The following GNG12 variants were observed in gnomAD, a reference collection of about 807,000 sequenced individuals.
GNG12 encodes G protein subunit gamma 12.
For missense variants in GNG12, 69 were observed against 83.8 expected (o/e 0.82, Z 0.69); for synonymous variants, 28 against 29.7 (o/e 0.94, Z 0.19).
At chr1:67,821,584 T>G (rs531048820) in intron 1 of GNG12, among the ~76,000 whole-genome samples, 1 of 152,314 alleles carries the variant, frequency 6.6e-6, no homozygotes, top group South Asian at 2.1e-4. Flanking sequence ...GCCAACACCT[T>G]GATTGTGGCC....
intron 2 of GNG12, among the ~76,000 whole-genome samples, chr1:67,773,772 C>T (rs112742443): frequency 1.3e-5 from 2 of 152,192 alleles, no homozygotes; most frequent in Non-Finnish European, 2.9e-5. Context: ...AAGTAGATTT[C>T]AACTCGCGTG....
chr1:67,790,316 A>G (rs958382881), intron 1 of GNG12, among the ~76,000 whole-genome samples: 3 of 152,174 alleles, frequency 2.0e-5, no homozygotes, highest in Admixed American at 6.5e-5. Flanking sequence ...ACATTTTTAC[A>G]TACATTCTGA....
chr1:67,806,160 G>A (rs1481899607), intron 1 of GNG12, among the ~76,000 whole-genome samples: 1 of 152,066 alleles, frequency 6.6e-6, no homozygotes, highest in Non-Finnish European at 1.5e-5. Context: ...TTCAGAGTGA[G>A]GGAAAATGAT....
chr1:67,710,846 G>C (rs1237104223), intron 2 of GNG12, among the ~76,000 whole-genome samples: 2 of 152,056 alleles, frequency 1.3e-5, no homozygotes, highest in Non-Finnish European at 2.9e-5. Flanking sequence ...TCCCAGGCTC[G>C]ACAAAGTCCA....
At chr1:67,824,288 T>C (rs906408568) in intron 1 of GNG12, among the ~76,000 whole-genome samples, 13 of 152,072 alleles carry the variant, frequency 8.5e-5, no homozygotes, top group African/African-American at 2.9e-4. Context: ...GGCTGGCAGA[T>C]TGCTTGAGTC....
chr1:67,823,390 C>A (rs76853064), intron 1 of GNG12, among the ~76,000 whole-genome samples: 7 of 152,050 alleles, frequency 4.6e-5, no homozygotes, highest in Non-Finnish European at 1.0e-4. Context: ...GGCATAAAAC[C>A]CTACTTTCCA....
At chr1:67,815,832 A>C (rs1266036952) in intron 1 of GNG12, among the ~76,000 whole-genome samples, 1 of 152,114 alleles carries the variant, frequency 6.6e-6, no homozygotes, top group East Asian at 1.9e-4. Flanking sequence ...CTCAGCGGCC[A>C]AATCCCGAGT....
intron 1 of GNG12, among the ~76,000 whole-genome samples, chr1:67,811,752 A>G (rs1017360887): frequency 6.6e-6 from 1 of 152,152 alleles, no homozygotes; most frequent in Non-Finnish European, 1.5e-5. Context: ...TTATGTTTCA[A>G]TCAAAGTTTG....
intron 2 of GNG12, among the ~76,000 whole-genome samples, chr1:67,757,211 T>C (rs1372472085): frequency 6.6e-6 from 1 of 152,194 alleles, no homozygotes; most frequent in Admixed American, 6.5e-5. Context: ...CTTTAAATAT[T>C]GTGTATGATA....
At chr1:67,718,252 G>A (rs1031833112) in intron 2 of GNG12, among the ~76,000 whole-genome samples, 5 of 151,982 alleles carry the variant, frequency 3.3e-5, no homozygotes, top group African/African-American at 7.3e-5. Flanking sequence ...CACTGTCCTG[G>A]TCACAGAGGC....
At position 67,702,752 on chromosome 1, in the gene GNG12, T is replaced by G. The variant is rs111795245; in HGVS notation, c.*2699A>C. The G allele has an allele frequency of 6.6e-6, 1 of 152,118 alleles. No individual in the cohort carries two copies. Among genetic ancestry groups the G allele is most frequent in the Non-Finnish European group, 1.5e-5 (1 of 68,024 alleles). The allele number at this position is 152,118 out of a possible 1,614,324, so 9.4% of individuals were successfully genotyped here. On this transcript the variant is annotated 3_prime_UTR_variant, in exon 4 of 4. Transcript: ENST00000370982. ...CTGAGGCCTCAACTGGACAGATTTA[T>G]GATGAACTAATGAAGATATAAGAAT...
intron 2 of GNG12, among the ~76,000 whole-genome samples, chr1:67,770,832 C>T (rs1379789893): frequency 6.6e-6 from 1 of 152,196 alleles, no homozygotes; most frequent in Non-Finnish European, 1.5e-5. Flanking sequence ...GAGACCTGAG[C>T]AGTGGGCAGC....
At chr1:67,770,331 CA>C (rs1646666671) in intron 2 of GNG12, among the ~76,000 whole-genome samples, 1 of 152,132 alleles carries the variant, frequency 6.6e-6, no homozygotes, top group Non-Finnish European at 1.5e-5. Context: ...AAAAGGGTTT[CA>C]AAAGCTGTAT....
intron 2 of GNG12, among the ~76,000 whole-genome samples, chr1:67,731,647 G>T (rs1646420918): frequency 6.6e-6 from 1 of 152,202 alleles, no homozygotes; most frequent in African/African-American, 2.4e-5. Flanking sequence ...GTGTAGACTG[G>T]AATCAGAAGG....
At chr1:67,789,367 C>A (rs1320057219) in intron 1 of GNG12, among the ~76,000 whole-genome samples, 1 of 152,146 alleles carries the variant, frequency 6.6e-6, no homozygotes, top group African/African-American at 2.4e-5. Flanking sequence ...AAAGATATTT[C>A]TAACATCTAA....
intron 2 of GNG12, among the ~76,000 whole-genome samples, chr1:67,715,594 C>A (rs1020761906): frequency 6.6e-6 from 1 of 152,166 alleles, no homozygotes; most frequent in Non-Finnish European, 1.5e-5. Context: ...TGAGAAGCTG[C>A]ATGGCTGCAG....
chr1:67,821,833 C>T (rs763322708), intron 1 of GNG12, among the ~76,000 whole-genome samples: 15 of 151,568 alleles, frequency 9.9e-5, no homozygotes, highest in Non-Finnish European at 1.9e-4. Flanking sequence ...CATAGAATAC[C>T]GGCACATCTA....
At chr1:67,824,461 G>A (rs1360064174) in intron 1 of GNG12, among the ~76,000 whole-genome samples, 1 of 134,288 alleles carries the variant, frequency 7.4e-6, no homozygotes, top group Non-Finnish European at 1.5e-5. Flanking sequence ...AGTGAGCCAT[G>A]ATTGTGCCAC....
At position 67,778,738 on chromosome 1, in the gene GNG12, G is replaced by A. The variant is rs114510471; in HGVS notation, c.-76-1231C>T. On this transcript the variant is annotated intron_variant, in intron 1 of 3. Transcript: ENST00000370982. ...CAGGGATGGGATTCAAATCTAAGTC[G>A]TTTGCCTCCAGAGTCCATGCTTTTA... is the stretch of plus-strand genomic sequence containing the variant. Among the ~76,000 whole-genome samples, 522 of 152,182 alleles carry A rather than the reference G, an allele frequency of 3.4e-3. 4 individuals carry two copies. The highest frequency in any genetic ancestry group is 0.012 in the African/African-American group (494 of 41,530).
Sources: gnomAD v4.1 joint callset for allele counts (sites outside exome capture counted in the v4.1 genomes callset) on GRCh38, gnomAD v4.1.1 for gene constraint, MANE v1.5 for transcripts, NCBI Gene and HGNC (gene_info 2026-07-23, HGNC 2026-07-21) for gene names.